PRELID2: variants seen among roughly 807,000 people sequenced by gnomAD.
PRELID2 encodes PRELI domain containing 2.
A neutral mutation model predicts 28.4 loss-of-function variants in PRELID2; 25 were observed. The ratio of observed to expected loss-of-function variants is 0.88; its 90% CI spans 0.64 to 1.23. The LOEUF (loss-of-function observed/expected upper bound fraction) is 1.23. Ranked by LOEUF, PRELID2 falls within the 50% of genes most tolerant of loss-of-function variation. The probability of loss-of-function intolerance (pLI) is 0.00; values close to 1 mark genes in which losing one functional copy is unlikely to be tolerated. For missense variants in PRELID2, 201 were observed against 214.4 expected (o/e 0.94, Z 0.39); for synonymous variants, 76 against 71.6 (o/e 1.06, Z -0.31).
At chr5:145,313,357 G>T in the PRELID2 span, among the ~76,000 whole-genome samples, 1 of 152,156 alleles carries the variant, frequency 6.6e-6, no homozygotes. Flanking sequence ...CAATATGTTT[G>T]CCTTCTTAAT....
chr5:145,638,320 GA>G (rs574070966), intron 1 of PRELID2, among the ~76,000 whole-genome samples: 486 of 152,242 alleles, frequency 3.2e-3, no homozygotes, highest in African/African-American at 0.011. Flanking sequence ...TTATTTATGT[GA>G]TAATGATATA....
chr5:145,618,148 G>A (rs1460608365), intron 1 of PRELID2, among the ~76,000 whole-genome samples: 2 of 151,996 alleles, frequency 1.3e-5, no homozygotes, highest in Non-Finnish European at 1.5e-5. Context: ...TTCCTGATTA[G>A]CCTAATAACC....
Position 145,791,325 on chromosome 5 carries a change from T to C in PRELID2, c.474+5117A>G, listed in dbSNP as rs879475932. 3.2e-4 allele frequency among the ~76,000 whole-genome samples: 49 copies of C among 152,090 alleles called. 1 individual carries two copies. Among genetic ancestry groups the C allele is most frequent in the African/African-American group, 1.1e-3 (45 of 41,430 alleles). On this transcript the variant is annotated intron_variant, in intron 5 of 6. Transcript: ENST00000683046. ...TTCACGTAAGATTTGGGTGGGAACA[T>C]AGCCAAACCATATCAGGTGACTAGA...
chr5:145,768,078 A>G (rs2149776189), intron 5 of PRELID2, among the ~76,000 whole-genome samples: 1 of 152,040 alleles, frequency 6.6e-6, no homozygotes, highest in African/African-American at 2.4e-5. Flanking sequence ...TACAAAAGTT[A>G]GCTGGGCGTG....
intron 1 of PRELID2, among the ~76,000 whole-genome samples, chr5:145,513,846 T>C (rs537775979): frequency 6.6e-6 from 1 of 152,270 alleles, no homozygotes; most frequent in South Asian, 2.1e-4. Context: ...ACATACAACA[T>C]TCTTGGAGAA....
the PRELID2 span, among the ~76,000 whole-genome samples, chr5:145,320,659 T>C: frequency 6.6e-6 from 1 of 152,178 alleles, no homozygotes; most frequent in Non-Finnish European, 1.5e-5. Flanking sequence ...GAAAGAATAA[T>C]GCTGGGAACA....
the PRELID2 span, among the ~76,000 whole-genome samples, chr5:145,388,727 C>T: frequency 6.6e-6 from 1 of 152,096 alleles, no homozygotes; most frequent in Non-Finnish European, 1.5e-5. Flanking sequence ...TTAAATCTGT[C>T]TTTCCACATC....
chr5:145,512,964 C>A lies in PRELID2; in HGVS notation n.71-39649G>T, dbSNP rs568697917. Among the ~76,000 whole-genome samples, 223 of 152,166 alleles carry A rather than the reference C, an allele frequency of 1.5e-3. 1 individual carries two copies. The highest frequency in any genetic ancestry group is 5.1e-3 in the African/African-American group (213 of 41,530). The stretch of plus-strand genomic sequence containing the variant: ...AACATCAACAAAAAGGACGTCCACA[C>A]AAAAACCCCATCCGAAGGTCACCAG... On this transcript the variant is annotated intron_variant and non_coding_transcript_variant, in intron 1 of 2. Transcript: ENST00000510259.
At chr5:145,513,110 A>T (rs1225404889) in intron 1 of PRELID2, among the ~76,000 whole-genome samples, 1 of 152,112 alleles carries the variant, frequency 6.6e-6, no homozygotes. Flanking sequence ...CTCGCCAGCA[A>T]GGGAACAAAA....
chr5:145,751,296 G>C (rs1757116473), intron 1 of PRELID2, among the ~76,000 whole-genome samples: 1 of 152,200 alleles, frequency 6.6e-6, no homozygotes, highest in South Asian at 2.1e-4. Flanking sequence ...GAGAACATAG[G>C]CTGATTCTGC....
At chr5:145,310,114 C>G in the PRELID2 span, among the ~76,000 whole-genome samples, 4 of 152,160 alleles carry the variant, frequency 2.6e-5, no homozygotes, top group African/African-American at 9.7e-5. Context: ...AGAATCCTGC[C>G]TTCATGGTTG....
At chr5:145,242,615 T>G in the PRELID2 span, among the ~76,000 whole-genome samples, 3 of 152,032 alleles carry the variant, frequency 2.0e-5, no homozygotes, top group Non-Finnish European at 4.4e-5. Flanking sequence ...ACAATCAAGT[T>G]AATCAATGTA....
rs114410970 is a variant in PRELID2 at position 145,529,018 on chromosome 5, G to A, written n.71-55703C>T. Among the ~76,000 whole-genome samples, 969 of 152,218 alleles carry A rather than the reference G, an allele frequency of 6.4e-3. 11 individuals are homozygous for A. The highest frequency in any genetic ancestry group is 0.022 in the African/African-American group (920 of 41,548). ...CCCAACATCTCCCTCCGTTTTCCCT[G>A]CTAGGGCATATTAGCAGTAAGGTCC... On this transcript the variant is annotated intron_variant and non_coding_transcript_variant, in intron 1 of 2. Coordinates refer to the PRELID2 transcript ENST00000510259.
chr5:145,375,024 G>T, the PRELID2 span, among the ~76,000 whole-genome samples: 3 of 152,062 alleles, frequency 2.0e-5, no homozygotes, highest in Non-Finnish European at 4.4e-5. Flanking sequence ...CTGTGCCCTT[G>T]CTGGAGAGAC....
the PRELID2 span, among the ~76,000 whole-genome samples, chr5:145,236,536 C>T: frequency 2.2e-4 from 34 of 152,244 alleles, no homozygotes; most frequent in African/African-American, 7.5e-4. Flanking sequence ...TTTAGGTCTA[C>T]GATCTAAGTC....
intron 1 of PRELID2, among the ~76,000 whole-genome samples, chr5:145,715,903 T>A (rs1755830048): frequency 2.0e-5 from 3 of 152,220 alleles, no homozygotes; most frequent in Admixed American, 2.0e-4. Context: ...ATGGCAAGTA[T>A]CATTATCTAT....
intron 1 of PRELID2, among the ~76,000 whole-genome samples, chr5:145,707,272 CAAT>C (rs1439992684): frequency 6.6e-6 from 1 of 152,134 alleles, no homozygotes; most frequent in African/African-American, 2.4e-5. Context: ...GATGTGACCC[CAAT>C]GATCGTGACT....
chr5:145,454,894 G>A, the PRELID2 span, among the ~76,000 whole-genome samples: 2 of 152,028 alleles, frequency 1.3e-5, no homozygotes, highest in Non-Finnish European at 2.9e-5. Flanking sequence ...TTGTCAGATG[G>A]ATAGATTGCA....
At chr5:145,569,740 A>G (rs1753001060) in intron 1 of PRELID2, among the ~76,000 whole-genome samples, 1 of 152,214 alleles carries the variant, frequency 6.6e-6, no homozygotes, top group African/African-American at 2.4e-5. Flanking sequence ...ACATTTTGTC[A>G]GGCAACAAAT....
Sources: allele counts gnomAD v4.1 joint callset (sites outside exome capture counted in the v4.1 genomes callset), GRCh38; gene constraint gnomAD v4.1.1; transcripts MANE v1.5; gene names NCBI Gene and HGNC (gene_info 2026-07-23, HGNC 2026-07-21).